The following TTC28 variants were observed in gnomAD, a reference collection of about 807,000 sequenced individuals.
TTC28 encodes tetratricopeptide repeat protein 28.
Under a neutral mutation model 198.0 loss-of-function variants are expected in TTC28, and 61 were observed. The ratio of observed to expected loss-of-function variants is 0.31; its 90% CI spans 0.25 to 0.38. TTC28 has a LOEUF of 0.38. Ranked by LOEUF, TTC28 falls within the 10% of genes least tolerant of loss-of-function variation. The pLI is 1.00. For missense variants in TTC28, 2,678 were observed against 3,164.0 expected, an observed-to-expected ratio of 0.85 and a Z score of 3.69; for synonymous variants, 1,171 against 1,297.8, an observed-to-expected ratio of 0.90 and a Z score of 2.10.
At chr22:28,147,222 A>G (rs1490552451) in intron 6 of TTC28, among the ~76,000 whole-genome samples, 2 of 152,244 alleles carry the variant, frequency 1.3e-5, no homozygotes, top group Non-Finnish European at 2.9e-5. Context: ...GGTTCTCAGT[A>G]AAAAAGCTAC....
intron 2 of TTC28, among the ~76,000 whole-genome samples, chr22:28,375,777 A>C (rs2146006445): frequency 6.6e-6 from 1 of 152,330 alleles, no homozygotes; most frequent in East Asian, 1.9e-4. Flanking sequence ...GGTGAACCAT[A>C]CAAATGGCTG....
chr22:28,300,955 C>T (rs888063017), intron 3 of TTC28, among the ~76,000 whole-genome samples: 32 of 152,100 alleles, frequency 2.1e-4, no homozygotes, highest in Non-Finnish European at 5.9e-5. Flanking sequence ...TGGTCAAACG[C>T]GTAGGTTGAA....
At chr22:28,096,062 G>A in intron 11 of TTC28, 128 bp downstream of exon 11, 1 of 1,334,504 alleles carries the variant, frequency 7.5e-7, no homozygotes, top group Non-Finnish European at 9.6e-7. Context: ...CTGCGGCTGA[G>A]GTTTTGCTAA....
At chr22:28,185,008 G>A (rs1924058492) in intron 5 of TTC28, among the ~76,000 whole-genome samples, 1 of 152,098 alleles carries the variant, frequency 6.6e-6, no homozygotes, top group South Asian at 2.1e-4. Flanking sequence ...GCAAATACCT[G>A]AGGAATCGAA....
intron 2 of TTC28, among the ~76,000 whole-genome samples, chr22:28,469,731 C>T (rs2048073744): frequency 6.6e-6 from 1 of 152,228 alleles, no homozygotes; most frequent in Admixed American, 6.5e-5. Flanking sequence ...AGAGGGAACA[C>T]AGCCCTGGCA....
At chr22:28,390,263 G>C (rs949681720) in intron 2 of TTC28, among the ~76,000 whole-genome samples, 24 of 152,034 alleles carry the variant, frequency 1.6e-4, no homozygotes, top group South Asian at 6.3e-4. Context: ...TTACTTCCAA[G>C]TATGTGGTCA....
At chr22:28,365,013 G>A (rs1218188094) in intron 2 of TTC28, among the ~76,000 whole-genome samples, 2 of 152,166 alleles carry the variant, frequency 1.3e-5, no homozygotes, top group Admixed American at 6.5e-5. Context: ...AGCATTGCAT[G>A]CTACAGAGAA....
At chr22:28,593,005 A>G (rs1218850708) in intron 2 of TTC28, among the ~76,000 whole-genome samples, 1 of 152,168 alleles carries the variant, frequency 6.6e-6, no homozygotes, top group Non-Finnish European at 1.5e-5. Flanking sequence ...AAAGGAACCA[A>G]ATAAGATTTG....
chr22:28,215,789 A>G lies in TTC28; in HGVS notation c.934-52190T>C, dbSNP rs532912724. On this transcript the variant is annotated intron_variant, in intron 5 of 22. Coordinates refer to ENST00000397906, the MANE Select transcript of TTC28 (RefSeq NM_001145418.2). ...TATGGTTACTATAACAATCAAATGA[A>G]ATAAGCATGGGAAAATATTTTTAAA... 2.0e-5 allele frequency among the ~76,000 whole-genome samples: 3 copies of G among 152,318 alleles called. No homozygotes were observed. In the South Asian group the frequency reaches 6.2e-4, roughly 32 times the overall value.
intron 19 of TTC28, among the ~76,000 whole-genome samples, chr22:27,991,657 G>A (rs1405237121): frequency 6.6e-6 from 1 of 152,092 alleles, no homozygotes; most frequent in Non-Finnish European, 1.5e-5. Context: ...CTCCAAAATG[G>A]CCAGAAAAGC....
intron 6 of TTC28, among the ~76,000 whole-genome samples, chr22:28,130,925 T>C (rs187582979): frequency 1.3e-5 from 2 of 152,232 alleles, no homozygotes; most frequent in Non-Finnish European, 2.9e-5. Flanking sequence ...TTCTAAAACA[T>C]ATATAGCTTC....
chr22:28,211,631 G>T (rs1032988542), intron 5 of TTC28, among the ~76,000 whole-genome samples: 6 of 152,074 alleles, frequency 3.9e-5, no homozygotes, highest in East Asian at 1.9e-4. Context: ...GATTCATAAA[G>T]CAAGTCCTTA....
chr22:28,364,749 A>G (rs1169233173), intron 2 of TTC28, among the ~76,000 whole-genome samples: 2 of 152,258 alleles, frequency 1.3e-5, no homozygotes, highest in Admixed American at 6.5e-5. Context: ...AGTGGAACAC[A>G]GTGAAGATGT....
At chr22:28,378,587 C>T (rs532904049) in intron 2 of TTC28, among the ~76,000 whole-genome samples, 119 of 151,254 alleles carry the variant, frequency 7.9e-4, no homozygotes, top group African/African-American at 2.7e-3. Flanking sequence ...GTTGGGGCTG[C>T]AATGAGTTAT....
At chr22:28,466,695 T>C (rs2146289847) in intron 2 of TTC28, among the ~76,000 whole-genome samples, 1 of 152,256 alleles carries the variant, frequency 6.6e-6, no homozygotes, top group East Asian at 1.9e-4. Flanking sequence ...ACCCGCGTCT[T>C]ATGTACTTTA....
chr22:28,526,630 C>T (rs1352619251), intron 2 of TTC28, among the ~76,000 whole-genome samples: 4 of 152,160 alleles, frequency 2.6e-5, no homozygotes, highest in Non-Finnish European at 2.9e-5. Flanking sequence ...CCAAACCCAC[C>T]CTTCAATATC....
Position 27,982,961 on chromosome 22 carries a change from G to A in TTC28, c.6706C>T (p.Pro2236Ser). The A allele has an allele frequency of 6.4e-7, 1 of 1,551,700 alleles. No individual in the cohort carries two copies. The highest frequency in any genetic ancestry group is 8.7e-7 in the Non-Finnish European group (1 of 1,146,994). ...PSPVTVKPKP[P>S]ARSSSLPKVS... ...TTGGGCAGGGAGGAGCTCCTGGCTG[G>A]GGGCTTTGGTTTAACAGTGACTGGT... Residue 2236 changes from proline to serine, a missense_variant, in exon 23 of 23, where the codon CCA becomes TCA. This residue lies in a region of TTC28 where 622 missense variants were observed against 656.0 expected (regional missense o/e 0.95). Coordinates refer to ENST00000397906, the MANE Select transcript of TTC28 (RefSeq NM_001145418.2). This position sits in a 1 kb window ranked among gnomAD's most constrained non-coding sequence, Gnocchi z 5.2.
intron 2 of TTC28, among the ~76,000 whole-genome samples, chr22:28,342,834 C>T (rs1348716633): frequency 6.6e-6 from 1 of 152,080 alleles, no homozygotes; most frequent in Non-Finnish European, 1.5e-5. Context: ...ACAAGAGAAG[C>T]TATAATAAAG....
chr22:28,126,719 C>T (rs1187925129), intron 6 of TTC28, among the ~76,000 whole-genome samples: 2 of 152,184 alleles, frequency 1.3e-5, no homozygotes, highest in African/African-American at 2.4e-5. Context: ...CTGCAGATGT[C>T]CTGAGAAGTA....
Sources: allele counts gnomAD v4.1 joint callset (sites outside exome capture counted in the v4.1 genomes callset), GRCh38; gene constraint gnomAD v4.1.1; regional missense constraint gnomAD v4.1.1; non-coding constraint Gnocchi (gnomAD v3.1); transcripts MANE v1.5; gene names NCBI Gene and HGNC (gene_info 2026-07-23, HGNC 2026-07-21).